CNOT8: variants seen among roughly 807,000 people sequenced by gnomAD.
CNOT8 encodes CAF1-like protein.
Under a neutral mutation model 34.6 loss-of-function variants are expected in CNOT8, and 18 were observed. The ratio of observed to expected loss-of-function variants is 0.52; its 90% CI spans 0.36 to 0.77. CNOT8 has a LOEUF of 0.77. Among genes scored for constraint, CNOT8 ranks in the 30% least tolerant of loss-of-function variants. The pLI is 0.00. For synonymous variants in CNOT8, 101 were observed against 118.8 expected, an observed-to-expected ratio of 0.85 and a Z score of 0.98; for missense variants, 189 against 347.9, an observed-to-expected ratio of 0.54 and a Z score of 3.63.
chr5:154,872,621 G>C lies in CNOT8; in HGVS notation c.699G>C (p.Leu233=). The change falls in exon 6 of 7, where the codon CTG becomes CTC. Residue 233 remains leucine (L), a synonymous_variant. Coordinates refer to ENST00000285896, the MANE Select transcript of CNOT8 (RefSeq NM_001301073.2). The stretch of plus-strand genomic sequence containing the variant: ...ACCAGGCAGGCTCAGACTCACTGCT[G>C]ACAGGAATGGCTTTCTTTAGGATGA... The part of the protein sequence containing the change: ...RQHQAGSDSL[L]TGMAFFRMKE... The C allele has an allele frequency of 6.2e-7, 1 of 1,613,292 alleles. No homozygotes were observed. The highest frequency in any genetic ancestry group is 8.5e-7 in the Non-Finnish European group (1 of 1,179,514).
intron 3 of CNOT8, among the ~76,000 whole-genome samples, chr5:154,866,748 A>G (rs1761918869): frequency 6.6e-6 from 1 of 152,040 alleles, no homozygotes; most frequent in African/African-American, 2.4e-5. Flanking sequence ...CCCCATCTCT[A>G]CTAAAAATAA....
intron 3 of CNOT8, among the ~76,000 whole-genome samples, chr5:154,868,392 T>G (rs1216078282): frequency 6.7e-6 from 1 of 148,992 alleles, no homozygotes; most frequent in African/African-American, 2.5e-5. Flanking sequence ...CTCAGCCTCC[T>G]AAGTAGCTGG....
Position 154,865,404 on chromosome 5 carries a change from A to T in CNOT8, c.311+19A>T. The T allele has an allele frequency of 6.4e-7, 1 of 1,553,846 alleles. No individual in the cohort carries two copies. Among genetic ancestry groups the T allele is most frequent in the Non-Finnish European group, 8.7e-7 (1 of 1,149,118 alleles). Reference sequence around the variant, plus strand: ...ACCTTACGTAAGTGATTTCTAAATAAATGCGTTAATTTTAAGTTTTGTTTT... The same window carrying T: ...ACCTTACGTAAGTGATTTCTAAATATATGCGTTAATTTTAAGTTTTGTTTT... On this transcript the variant is annotated intron_variant, in intron 3 of 6. Coordinates refer to ENST00000285896, the MANE Select transcript of CNOT8 (RefSeq NM_001301073.2).
At position 154,863,368 on chromosome 5, in the gene CNOT8, C is replaced by A; in HGVS notation, c.90C>A (p.Ile30=). 3 of 1,613,384 alleles carry A rather than the reference C, an allele frequency of 1.9e-6. No individual in the cohort carries two copies. Among genetic ancestry groups the A allele is most frequent in the Non-Finnish European group, 2.5e-6 (3 of 1,179,356 alleles). The change falls in exon 2 of 7, where the codon ATC becomes ATA. Residue 30 remains isoleucine (I), a synonymous_variant. Coordinates refer to ENST00000285896, the MANE Select transcript of CNOT8 (RefSeq NM_001301073.2). ...AAGAGATGAGGAAGATCCGAGAAAT[C>A]GTGCTCAGTTACAGTTATATTGCCA... ...LEEEMRKIRE[I]VLSYSYIAMD...
Position 154,876,371 on chromosome 5 carries a change from G to A in CNOT8, c.*932G>A, listed in dbSNP as rs987741227. On this transcript the variant is annotated 3_prime_UTR_variant, in exon 7 of 7. Coordinates refer to ENST00000285896, the MANE Select transcript of CNOT8 (RefSeq NM_001301073.2). ...CTTTTCCTTCCAGCAAACCTGAAAC[G>A]TGAGGGAGATGGATTAATGTGAGTA... 2.0e-5 allele frequency: 3 copies of A among 152,168 alleles called. No homozygotes were observed. The highest frequency in any genetic ancestry group is 2.9e-5 in the Non-Finnish European group (2 of 68,040). 9.4% of individuals were successfully genotyped at this position (152,168 alleles called of 1,614,324 possible).
intron 1 of CNOT8, among the ~76,000 whole-genome samples, chr5:154,862,390 C>G (rs768155253): frequency 2.0e-5 from 3 of 151,846 alleles, no homozygotes; most frequent in Non-Finnish European, 2.9e-5. Flanking sequence ...GAATTGCTTG[C>G]ACCCAGGAGG....
intron 3 of CNOT8, among the ~76,000 whole-genome samples, 182 bp downstream of exon 3, chr5:154,865,567 A>G (rs1645467463): frequency 6.6e-6 from 1 of 152,220 alleles, no homozygotes; most frequent in South Asian, 2.1e-4. Context: ...AATGTGCAAA[A>G]GATAGACTTT....
In CNOT8 at chr5:154,865,182, C is replaced by G. The variant is rs1386475953; in HGVS notation, c.118-10C>G. ...GAAACCTTGTGATGAGAGACTTTTT[C>G]CTTTTCCAGGACACAGAATTTCCAG... On this transcript the variant is annotated splice_polypyrimidine_tract_variant and intron_variant, in intron 2 of 6. Transcript: ENST00000285896. 6.5e-7 allele frequency: 1 copy of G among 1,539,082 alleles called. No homozygotes were observed. The highest frequency in any genetic ancestry group is 2.3e-5 in the East Asian group (1 of 42,780).
intron 6 of CNOT8, among the ~76,000 whole-genome samples, chr5:154,873,462 G>GT (rs1377623305): frequency 2.0e-5 from 3 of 152,040 alleles, no homozygotes; most frequent in Non-Finnish European, 4.4e-5. Flanking sequence ...TGACATTATG[G>GT]TAAGTTCTGT....
In CNOT8 at chr5:154,865,206, A is replaced by G. The variant is rs1457953992; in HGVS notation, c.132A>G (p.Pro44=). ...YSYIAMDTEF[P]GVVVRPIGEF... ...TCCTTTTCCAGGACACAGAATTTCC[A>G]GGTGTTGTGGTGCGACCAATTGGTG... Residue 44 remains proline, a synonymous_variant, in exon 3 of 7, where the codon CCA becomes CCG. Transcript: ENST00000285896. The G allele has an allele frequency of 1.9e-6, 3 of 1,578,296 alleles. No individual in the cohort carries two copies. The highest frequency in any genetic ancestry group is 2.7e-5 in the African/African-American group (2 of 73,236).
intron 1 of CNOT8, 27 bp from the exon 2 acceptor site, chr5:154,863,180 A>C (rs1386602289): frequency 1.3e-5 from 10 of 791,856 alleles, no homozygotes; most frequent in Non-Finnish European, 2.2e-5. Flanking sequence ...GTAAACTTAC[A>C]TGATTTTAAA....
At chr5:154,873,335 A>C (rs2113395934) in intron 6 of CNOT8, among the ~76,000 whole-genome samples, 1 of 152,340 alleles carries the variant, frequency 6.6e-6, no homozygotes, top group Non-Finnish European at 1.5e-5. Flanking sequence ...TCCAGTAACC[A>C]AGTATTCTTG....
At chr5:154,862,884 A>G (rs1210977869) in intron 1 of CNOT8, among the ~76,000 whole-genome samples, 6 of 152,180 alleles carry the variant, frequency 3.9e-5, no homozygotes, top group Non-Finnish European at 8.8e-5. Flanking sequence ...GGATAAGGGC[A>G]TATTTGTGGT....
At chr5:154,867,623 A>G (rs931001045) in intron 3 of CNOT8, 2 of 242,246 alleles carry the variant, frequency 8.3e-6, no homozygotes, top group Non-Finnish European at 1.7e-5. Context: ...CCTGACCTTC[A>G]TGGAAGCATT....
intron 1 of CNOT8, 58 bp from the exon 2 acceptor site, chr5:154,863,149 G>T (rs1001973602): frequency 1.5e-6 from 1 of 675,570 alleles, no homozygotes. Context: ...TGTCTTTGTT[G>T]TGTTGACATC....
chr5:154,864,242 C>T (rs572496227), intron 2 of CNOT8, among the ~76,000 whole-genome samples: 6 of 152,266 alleles, frequency 3.9e-5, no homozygotes, highest in East Asian at 1.9e-4. Flanking sequence ...GGGCGGATCA[C>T]GAGGTCAGGA....
chr5:154,871,695 T>G (rs767731357), intron 4 of CNOT8, 35 bp from the exon 5 acceptor site: 2 of 1,605,080 alleles, frequency 1.2e-6, no homozygotes, highest in Non-Finnish European at 8.5e-7. Flanking sequence ...TGATAACCAC[T>G]GCTTTTTTAA....
intron 1 of CNOT8, among the ~76,000 whole-genome samples, chr5:154,860,806 A>G (rs1196579403): frequency 6.6e-6 from 1 of 152,190 alleles, no homozygotes; most frequent in African/African-American, 2.4e-5. Flanking sequence ...ATTTTTGCCA[A>G]CTGTCTGGCT....
chr5:154,869,013 A>T (rs967745739), intron 3 of CNOT8, among the ~76,000 whole-genome samples: 1 of 152,120 alleles, frequency 6.6e-6, no homozygotes, highest in Non-Finnish European at 1.5e-5. Context: ...CTCACTGGCC[A>T]TGGTGGCGGT....
Sources: allele counts gnomAD v4.1 joint callset (sites outside exome capture counted in the v4.1 genomes callset), GRCh38; gene constraint gnomAD v4.1.1; transcripts MANE v1.5; gene names NCBI Gene and HGNC (gene_info 2026-07-23, HGNC 2026-07-21).